The following RREB1 variants were observed in gnomAD, a reference collection of about 807,000 sequenced individuals.
The protein encoded by RREB1 is ras responsive element binding protein 1.
Under a neutral mutation model 117.8 loss-of-function variants are expected in RREB1, and 27 were observed. The observed-to-expected ratio is 0.23, with a 90% confidence interval of 0.17 to 0.32. RREB1 has a LOEUF of 0.32. RREB1 is among the 10% of genes least tolerant of loss of function. The pLI, the probability that RREB1 is intolerant of heterozygous loss-of-function variation, is 1.00. For synonymous variants in RREB1, 1,298 were observed against 1,026.7 expected (o/e 1.26, Z -5.05); for missense variants, 2,577 against 2,378.2 (o/e 1.08, Z -1.74).
chr6:7,157,703 C>G (rs1433717559), intron 1 of RREB1, among the ~76,000 whole-genome samples: 1 of 151,902 alleles, frequency 6.6e-6, no homozygotes, highest in African/African-American at 2.4e-5. Flanking sequence ...CCTGGAAAGT[C>G]AGGGCTGCAG....
At chr6:7,109,597 G>T (rs1312596244) in intron 1 of RREB1, among the ~76,000 whole-genome samples, 1 of 152,236 alleles carries the variant, frequency 6.6e-6, no homozygotes, top group Admixed American at 6.5e-5. Flanking sequence ...CGTGCAGCTC[G>T]CGCCCCTCGG....
At chr6:7,127,088 G>A (rs1281868241) in intron 1 of RREB1, among the ~76,000 whole-genome samples, 1 of 152,108 alleles carries the variant, frequency 6.6e-6, no homozygotes, top group Non-Finnish European at 1.5e-5. Context: ...GACAGGGTAG[G>A]GCAAAAAGTG....
chr6:7,225,167 G>A (rs1483884495), intron 8 of RREB1, among the ~76,000 whole-genome samples: 2 of 152,182 alleles, frequency 1.3e-5, no homozygotes, highest in African/African-American at 4.8e-5. Context: ...GTAAGCAAGT[G>A]GCTTTGCCTG....
chr6:7,230,849 T>C lies in RREB1; in HGVS notation c.2750T>C (p.Ile917Thr), dbSNP rs149706621. Reference protein sequence around the residue: ...LALVQVKQENISFLSPSSLVP... With the variant: ...LALVQVKQENTSFLSPSSLVP... Reference sequence around the variant, plus strand: ...CTGGTCCAAGTGAAGCAGGAAAACATCTCCTTTCTGAGCCCTTCTTCCCTG... The same window carrying C: ...CTGGTCCAAGTGAAGCAGGAAAACACCTCCTTTCTGAGCCCTTCTTCCCTG... The change falls in exon 10 of 13, where the codon ATC (isoleucine) becomes ACC (threonine). Residue 917 changes from isoleucine to threonine, a missense_variant. Coordinates refer to ENST00000379938, the MANE Select transcript of RREB1 (RefSeq NM_001003699.4). The C allele has an allele frequency of 6.2e-7, 1 of 1,614,044 alleles. No individual in the cohort carries two copies. The highest frequency in any genetic ancestry group is 8.5e-7 in the Non-Finnish European group (1 of 1,180,028).
intron 11 of RREB1, among the ~76,000 whole-genome samples, chr6:7,242,642 T>TCCC (rs1554128689): frequency 1.1e-4 from 15 of 134,812 alleles, no homozygotes; most frequent in South Asian, 9.9e-4. Flanking sequence ...CATTCTGGGT[T>TCCC]CCCCCCCCCC....
chr6:7,134,856 A>G (rs73719063), intron 1 of RREB1, among the ~76,000 whole-genome samples: 5 of 152,194 alleles, frequency 3.3e-5, no homozygotes, highest in Admixed American at 6.5e-5. Flanking sequence ...GAGTTCTGTA[A>G]CTAGAGCTAA....
At chr6:7,110,907 C>G (rs1761109872) in intron 1 of RREB1, among the ~76,000 whole-genome samples, 1 of 152,222 alleles carries the variant, frequency 6.6e-6, no homozygotes, top group African/African-American at 2.4e-5. Flanking sequence ...ATCAGAAAAT[C>G]AGACTCTAAG....
chr6:7,122,044 C>T (rs1761703034), intron 1 of RREB1, among the ~76,000 whole-genome samples: 1 of 152,178 alleles, frequency 6.6e-6, no homozygotes, highest in South Asian at 2.1e-4. Flanking sequence ...GGGTCACCAG[C>T]CTTTAAGATG....
chr6:7,128,263 A>G (rs907611900), intron 1 of RREB1, among the ~76,000 whole-genome samples: 1 of 152,098 alleles, frequency 6.6e-6, no homozygotes, highest in African/African-American at 2.4e-5. Context: ...GTTGGCGAAC[A>G]TTTTTTGTTT....
chr6:7,129,573 A>T (rs1310203999), intron 1 of RREB1, among the ~76,000 whole-genome samples: 1 of 152,244 alleles, frequency 6.6e-6, no homozygotes, highest in Non-Finnish European at 1.5e-5. Context: ...AGCACCCAGG[A>T]TATCTGAATT....
chr6:7,211,099 A>C, intron 7 of RREB1, 151 bp downstream of exon 7: 1 of 760,462 alleles, frequency 1.3e-6, no homozygotes. Flanking sequence ...AAAGTGTCTA[A>C]GAAAAGAGTA....
intron 1 of RREB1, among the ~76,000 whole-genome samples, chr6:7,149,508 C>T (rs1763019033): frequency 6.6e-6 from 1 of 152,130 alleles, no homozygotes; most frequent in Non-Finnish European, 1.5e-5. Context: ...TGAGAGGTGA[C>T]TTGTTCTGTT....
intron 1 of RREB1, among the ~76,000 whole-genome samples, chr6:7,118,443 C>G (rs1290572656): frequency 1.3e-5 from 2 of 152,058 alleles, no homozygotes; most frequent in South Asian, 4.1e-4. Flanking sequence ...ATTTTAAAGT[C>G]AGTTTTTCCT....
chr6:7,223,813 T>G (rs1767427656), intron 8 of RREB1, among the ~76,000 whole-genome samples: 1 of 152,216 alleles, frequency 6.6e-6, no homozygotes, highest in African/African-American at 2.4e-5. Flanking sequence ...TCAGAAAGTT[T>G]GCAGCCACCT....
At chr6:7,182,184 A>G in intron 4 of RREB1, 102 bp downstream of exon 4, 2 of 1,118,722 alleles carry the variant, frequency 1.8e-6, no homozygotes, top group Non-Finnish European at 2.5e-6. Flanking sequence ...AAGAATTGGG[A>G]ATAAAACGGA....
chr6:7,163,721 A>G (rs1763783357), intron 1 of RREB1, among the ~76,000 whole-genome samples: 1 of 152,228 alleles, frequency 6.6e-6, no homozygotes, highest in Non-Finnish European at 1.5e-5. Context: ...TGGGGCTGGC[A>G]GAGCATGAAA....
intron 8 of RREB1, among the ~76,000 whole-genome samples, chr6:7,223,177 C>T (rs540416422): frequency 2.7e-5 from 4 of 150,140 alleles, no homozygotes; most frequent in South Asian, 2.1e-4. Context: ...GGATCACTTG[C>T]GCCCAGGAGT....
intron 11 of RREB1, among the ~76,000 whole-genome samples, chr6:7,241,212 C>A (rs539859284): frequency 6.6e-6 from 1 of 152,226 alleles, no homozygotes; most frequent in South Asian, 2.1e-4. Flanking sequence ...CTTCCTCCCT[C>A]CAGCACCCAC....
intron 4 of RREB1, among the ~76,000 whole-genome samples, chr6:7,186,362 A>C (rs1765081475): frequency 6.6e-6 from 1 of 152,194 alleles, no homozygotes; most frequent in Non-Finnish European, 1.5e-5. Flanking sequence ...TTGTGAGACA[A>C]ACAGATTTCT....
Sources: gnomAD v4.1 joint callset for allele counts (sites outside exome capture counted in the v4.1 genomes callset) on GRCh38, gnomAD v4.1.1 for gene constraint, MANE v1.5 for transcripts, NCBI Gene and HGNC (gene_info 2026-07-23, HGNC 2026-07-21) for gene names.